Variants in FBXL13 observed in about 807,000 individuals in gnomAD.
FBXL13 encodes F-box and leucine rich repeat protein 13, also known as F-box and leucine-rich repeat protein 13.
In FBXL13, 67 loss-of-function variants were observed where a neutral mutation model predicts 83.6. The ratio of observed to expected loss-of-function variants is 0.80; its 90% CI spans 0.66 to 0.98. The LOEUF (loss-of-function observed/expected upper bound fraction) is 0.98. Among genes scored for constraint, FBXL13 ranks in the 50% least tolerant of loss-of-function variants. FBXL13 has a pLI of 0.00. For synonymous variants in FBXL13, 272 were observed against 299.5 expected (o/e 0.91, Z 0.95); for missense variants, 822 against 866.5 (o/e 0.95, Z 0.64).
At chr7:103,064,717 C>T (rs1429746414) in intron 1 of FBXL13, among the ~76,000 whole-genome samples, 2 of 152,168 alleles carry the variant, frequency 1.3e-5, no homozygotes, top group African/African-American at 2.4e-5. Flanking sequence ...GTTCCCTCCC[C>T]TTGAATCTAA....
intron 19 of FBXL13, among the ~76,000 whole-genome samples, chr7:102,821,078 G>A (rs538551353): frequency 6.4e-4 from 97 of 152,294 alleles, no homozygotes; most frequent in Admixed American, 1.4e-3. Context: ...TGAGTAACAC[G>A]TTATTCATTC....
In FBXL13 at chr7:103,001,467, T is replaced by C. The variant is rs148004978; in HGVS notation, c.495+23596A>G. Among the ~76,000 whole-genome samples, 26 of 152,298 alleles carry C rather than the reference T, an allele frequency of 1.7e-4. No individual in the cohort carries two copies. In the East Asian group the frequency reaches 4.4e-3, roughly 26 times the overall value. ...AATATTAGGTGTCAACTTGACTGGA[T>C]TGAGGGATGCCTAGACGACTGGTAA... On this transcript the variant is annotated intron_variant, in intron 6 of 19. Coordinates refer to ENST00000313221, the Ensembl canonical transcript of FBXL13.
intron 19 of FBXL13, chr7:102,814,524 T>C (rs545734441): frequency 1.3e-5 from 2 of 152,222 alleles, no homozygotes; most frequent in African/African-American, 4.8e-5. Flanking sequence ...AAACTTTAGA[T>C]GTATTAAAAT....
exon 14 of FBXL13, chr7:102,883,422 T>C: frequency 1.9e-6 from 3 of 1,613,380 alleles, no homozygotes; most frequent in Non-Finnish European, 2.5e-6. Context: ...ATTTGGATAA[T>C]TCTTGTCTAT....
chr7:102,892,467 C>A (rs1811656599), intron 11 of FBXL13, among the ~76,000 whole-genome samples: 1 of 151,960 alleles, frequency 6.6e-6, no homozygotes, highest in Admixed American at 6.6e-5. Context: ...TTCATAAATT[C>A]TACAATTTTT....
chr7:102,849,404 A>G (rs1017306844), intron 17 of FBXL13, among the ~76,000 whole-genome samples: 1 of 152,156 alleles, frequency 6.6e-6, no homozygotes, highest in Non-Finnish European at 1.5e-5. Context: ...AAATGAGGTA[A>G]TTTTTTATTC....
chr7:103,012,725 T>C (rs575121304), intron 6 of FBXL13, among the ~76,000 whole-genome samples: 113 of 152,294 alleles, frequency 7.4e-4, no homozygotes, highest in Admixed American at 2.3e-3. Context: ...AGACAAGTGA[T>C]ACTCTAAAGC....
intron 19 of FBXL13, among the ~76,000 whole-genome samples, chr7:102,820,131 C>T (rs902303316): frequency 2.6e-5 from 4 of 152,212 alleles, no homozygotes; most frequent in Non-Finnish European, 5.9e-5. Flanking sequence ...CATTGCTAGA[C>T]AAAGATGGAA....
Position 103,021,279 on chromosome 7 carries a change from T to A in FBXL13, c.495+3784A>T, listed in dbSNP as rs1391505456. On this transcript the variant is annotated intron_variant, in intron 6 of 19. Coordinates refer to ENST00000313221, the Ensembl canonical transcript of FBXL13. The stretch of plus-strand genomic sequence containing the variant: ...TGGTGCTGGAAAAACTGGCTAGCCA[T>A]ATGTAGAAAGCTGAAGCTGGATCCC... Among the ~76,000 whole-genome samples, 3 of 152,182 alleles carry A rather than the reference T, an allele frequency of 2.0e-5. No individual in the cohort carries two copies. The East Asian group carries it at 5.8e-4, about 29-fold the overall frequency.
intron 2 of FBXL13, among the ~76,000 whole-genome samples, chr7:103,045,641 T>C (rs1307926974): frequency 2.0e-5 from 3 of 152,240 alleles, no homozygotes; most frequent in Non-Finnish European, 4.4e-5. Context: ...GATCTATGTG[T>C]TTCCGTAAAG....
exon 1 of FBXL13, chr7:103,074,358 T>C (rs1332600428): frequency 9.7e-7 from 1 of 1,034,138 alleles, no homozygotes; most frequent in African/African-American, 1.7e-5. Context: ...CTCTGGCACT[T>C]CTTTCTCACT....
intron 6 of FBXL13, among the ~76,000 whole-genome samples, chr7:103,019,810 C>G (rs546046840): frequency 6.6e-6 from 1 of 152,264 alleles, no homozygotes; most frequent in South Asian, 2.1e-4. Flanking sequence ...ATAACAGGCT[C>G]TGAAACTGAG....
intron 9 of FBXL13, among the ~76,000 whole-genome samples, chr7:102,927,689 A>G (rs1351923313): frequency 6.6e-6 from 1 of 152,218 alleles, no homozygotes; most frequent in Non-Finnish European, 1.5e-5. Flanking sequence ...ATGAGAGGCC[A>G]GTGCAGAGCT....
At position 103,052,820 on chromosome 7, in the gene FBXL13, G is replaced by A. The variant is rs187246710; in HGVS notation, c.-1+2824C>T. On this transcript the variant is annotated intron_variant, in intron 2 of 19. Transcript: ENST00000313221. The stretch of plus-strand genomic sequence containing the variant: ...CGCCCAGGCTGGAGTGCAGTGGCAC[G>A]ATCTCGGCTCACTGCAACCTCCGCC... 1.2e-3 allele frequency among the ~76,000 whole-genome samples: 170 copies of A among 147,150 alleles called. 1 individual carries two copies. The highest frequency in any genetic ancestry group is 4.2e-3 in the African/African-American group (167 of 39,696).
chr7:103,038,107 T>A (rs1585491300), intron 2 of FBXL13, among the ~76,000 whole-genome samples: 1 of 152,232 alleles, frequency 6.6e-6, no homozygotes, highest in South Asian at 2.1e-4. Context: ...AATACTGAGC[T>A]TTTCCCACAG....
At chr7:102,957,213 G>C (rs537847591) in intron 8 of FBXL13, among the ~76,000 whole-genome samples, 8 of 152,142 alleles carry the variant, frequency 5.3e-5, no homozygotes, top group South Asian at 2.1e-4. Context: ...CAGAACAGAG[G>C]CCTCAGAAAT....
At chr7:102,920,828 A>C (rs1816820100) in intron 10 of FBXL13, among the ~76,000 whole-genome samples, 1 of 152,224 alleles carries the variant, frequency 6.6e-6, no homozygotes, top group African/African-American at 2.4e-5. Context: ...GAACAAGCAA[A>C]AGAAAACAAA....
chr7:102,956,117 C>A (rs547835274), intron 8 of FBXL13, among the ~76,000 whole-genome samples: 1 of 152,014 alleles, frequency 6.6e-6, no homozygotes. Context: ...TGATGAATAT[C>A]GATGCAAAAA....
chr7:102,913,038 G>A, intron 11 of FBXL13, 48 bp downstream of exon 12: 2 of 1,612,932 alleles, frequency 1.2e-6, no homozygotes, highest in African/African-American at 1.3e-5. Context: ...CCCATTCTCT[G>A]GAGAACTTCC....
Sources: gnomAD v4.1 joint callset for allele counts (sites outside exome capture counted in the v4.1 genomes callset) on GRCh38, gnomAD v4.1.1 for gene constraint, MANE v1.5 for transcripts, NCBI Gene and HGNC (gene_info 2026-07-23, HGNC 2026-07-21) for gene names.